Variants in NSG2 observed in about 807,000 individuals in gnomAD.
NSG2 encodes neuronal vesicle trafficking-associated protein 2.
A neutral mutation model predicts 16.9 loss-of-function variants in NSG2; 4 were observed. The ratio of observed to expected loss-of-function variants is 0.24; its 90% CI spans 0.12 to 0.54. NSG2 has a LOEUF of 0.54. Among genes scored for constraint, NSG2 ranks in the 20% least tolerant of loss-of-function variants. The pLI is 0.95. For missense variants in NSG2, 179 were observed against 221.1 expected (o/e 0.81, Z 1.21); for synonymous variants, 98 against 88.7 (o/e 1.11, Z -0.59).
At chr5:174,071,552 C>T (rs543145510) in intron 3 of NSG2, among the ~76,000 whole-genome samples, 2 of 152,310 alleles carry the variant, frequency 1.3e-5, no homozygotes, top group East Asian at 3.9e-4. Flanking sequence ...ACAAGTAAAA[C>T]AAAAATAAAA....
intron 2 of NSG2, among the ~76,000 whole-genome samples, chr5:174,059,506 A>C (rs1760017105): frequency 6.6e-6 from 1 of 152,234 alleles, no homozygotes; most frequent in African/African-American, 2.4e-5. Flanking sequence ...ACCTTACTAA[A>C]TTCTAATCAC....
intron 2 of NSG2, among the ~76,000 whole-genome samples, chr5:174,058,457 A>G (rs1006101730): frequency 6.6e-6 from 1 of 152,184 alleles, no homozygotes. Flanking sequence ...AAACAAAAAA[A>G]CCAATGAACT....
intron 3 of NSG2, among the ~76,000 whole-genome samples, chr5:174,097,026 A>G (rs1400353071): frequency 6.6e-6 from 1 of 152,072 alleles, no homozygotes; most frequent in East Asian, 1.9e-4. Flanking sequence ...TAATAATTCT[A>G]CTTCGTATGA....
rs151110965 is a variant in NSG2 at position 174,072,984 on chromosome 5, A to AAATG, written c.213+8690_213+8693dup. ...GGGTAACAGAGTGAGATCCTGTCTC[A>AAATG]AATGAATGAATGAATGAATGAATGC... On this transcript the variant is annotated intron_variant, in intron 3 of 4. Transcript: ENST00000303177. The surrounding 1 kb of genome is among the most constrained non-coding windows in gnomAD (Gnocchi z 4.0). Among the ~76,000 whole-genome samples the AAATG allele has an allele frequency of 2.5e-3, 354 of 142,854 alleles. 1 individual carries two copies. Among genetic ancestry groups the AAATG allele is most frequent in the African/African-American group, 8.6e-3 (330 of 38,530 alleles). The allele number at this position is 142,854 out of a possible 152,430, so 93.7% of individuals were successfully genotyped here. A position where few individuals can be genotyped will look rare whatever the true frequency, so the allele number is the denominator to read the frequency against.
At chr5:174,068,910 G>C (rs994554830) in intron 3 of NSG2, among the ~76,000 whole-genome samples, 1 of 151,740 alleles carries the variant, frequency 6.6e-6, no homozygotes, top group Non-Finnish European at 1.5e-5. Flanking sequence ...GAAGGTGCTG[G>C]TGCTGTGGAA....
intron 3 of NSG2, among the ~76,000 whole-genome samples, chr5:174,089,330 C>T (rs1006928573): frequency 6.6e-6 from 1 of 152,194 alleles, no homozygotes; most frequent in South Asian, 2.1e-4. Context: ...AAAGAGGGAT[C>T]TCATCCTGCA....
chr5:174,106,934 C>T (rs1464518879), intron 4 of NSG2, among the ~76,000 whole-genome samples: 2 of 152,082 alleles, frequency 1.3e-5, no homozygotes, highest in East Asian at 1.9e-4. Flanking sequence ...GTATAAAATA[C>T]AGGAAATAAA....
chr5:174,074,873 T>C lies in NSG2; in HGVS notation c.213+10558T>C, dbSNP rs1158542911. Among the ~76,000 whole-genome samples the C allele has an allele frequency of 2.0e-5, 3 of 151,926 alleles. No homozygotes were observed. In the East Asian group the frequency reaches 5.8e-4, roughly 30 times the overall value. On this transcript the variant is annotated intron_variant, in intron 3 of 4. Coordinates refer to ENST00000303177, the MANE Select transcript of NSG2 (RefSeq NM_015980.5). ...CTGGAACTGGTCCTTGACTCCCCAC[T>C]TTCATACCTGGAAGTCCTAGGTTCC...
At chr5:174,094,639 C>T (rs1182371526) in intron 3 of NSG2, among the ~76,000 whole-genome samples, 1 of 152,170 alleles carries the variant, frequency 6.6e-6, no homozygotes, top group Non-Finnish European at 1.5e-5. Flanking sequence ...AGCTTCTCAT[C>T]TTTGAGGGGC....
chr5:174,103,994 A>G (rs1347879300), intron 3 of NSG2, among the ~76,000 whole-genome samples: 2 of 152,076 alleles, frequency 1.3e-5, no homozygotes, highest in African/African-American at 2.4e-5. Flanking sequence ...CAAATAAACA[A>G]CAACAAAAAA....
At position 174,107,649 on chromosome 5, in the gene NSG2, A is replaced by G. The variant is rs748345235; in HGVS notation, c.*144A>G. 84 of 809,776 alleles carry G rather than the reference A, an allele frequency of 1.0e-4. 1 individual carries two copies. Among genetic ancestry groups the G allele is most frequent in the South Asian group, 4.1e-4 (28 of 68,964 alleles). 50.2% of individuals were successfully genotyped at this position (809,776 alleles called of 1,614,324 possible). A position where few individuals can be genotyped will look rare whatever the true frequency, so the allele number is the denominator to read the frequency against. On this transcript the variant is annotated 3_prime_UTR_variant, in exon 5 of 5. Coordinates refer to ENST00000303177, the MANE Select transcript of NSG2 (RefSeq NM_015980.5). This position sits in a 1 kb window ranked among gnomAD's most constrained non-coding sequence, Gnocchi z 4.5. ...GGCAGGGTGGGGGGAAGAACGCACC[A>G]AAAACGTGGTGTGTGCTGGAGTTGT...
chr5:174,093,247 T>C (rs772871519), intron 3 of NSG2, among the ~76,000 whole-genome samples: 2 of 152,158 alleles, frequency 1.3e-5, no homozygotes, highest in African/African-American at 4.8e-5. Flanking sequence ...TATGTAAGCA[T>C]TCCATGTATG....
chr5:174,088,217 T>A (rs922796306), intron 3 of NSG2, among the ~76,000 whole-genome samples: 3 of 152,212 alleles, frequency 2.0e-5, no homozygotes, highest in Admixed American at 6.5e-5. Flanking sequence ...AACATTCTAG[T>A]TCCTGTTTTA....
chr5:174,093,161 C>G (rs1026675766), intron 3 of NSG2, among the ~76,000 whole-genome samples: 2 of 152,178 alleles, frequency 1.3e-5, no homozygotes, highest in African/African-American at 2.4e-5. Flanking sequence ...CCATCTATCT[C>G]TGATACAACA....
intron 2 of NSG2, among the ~76,000 whole-genome samples, chr5:174,053,494 T>C (rs910917296): frequency 1.3e-5 from 2 of 152,176 alleles, no homozygotes; most frequent in South Asian, 4.1e-4. Context: ...GGCCTCTCCC[T>C]GGGCTTTCCG....
chr5:174,080,525 T>TTCTTTCTCTCTCTCTCTCTCTCTTTC (rs1554101503), intron 3 of NSG2, among the ~76,000 whole-genome samples: 6 of 125,248 alleles, frequency 4.8e-5, no homozygotes, highest in African/African-American at 1.9e-4. Flanking sequence ...CTTTCTTTCT[T>TTCTTTCTCTCTCTCTCTCTCTCTTTC]TCTCTCTCTC....
At chr5:174,058,170 T>C (rs1359174007) in intron 2 of NSG2, among the ~76,000 whole-genome samples, 1 of 151,956 alleles carries the variant, frequency 6.6e-6, no homozygotes, top group East Asian at 1.9e-4. Flanking sequence ...GAGAGTGAGG[T>C]GGCTGGGGCA....
chr5:174,076,672 TC>T (rs151052331), intron 3 of NSG2, among the ~76,000 whole-genome samples: 160 of 152,280 alleles, frequency 1.1e-3, no homozygotes, highest in African/African-American at 3.7e-3. Context: ...GGTGAGTTCA[TC>T]CCCAAGAGGC....
At chr5:174,096,812 AG>A (rs1760800605) in intron 3 of NSG2, among the ~76,000 whole-genome samples, 1 of 152,132 alleles carries the variant, frequency 6.6e-6, no homozygotes, top group South Asian at 2.1e-4. Context: ...AAGTGGAGGC[AG>A]GGGTCGCTGC....
Sources: gnomAD v4.1 joint callset for allele counts (sites outside exome capture counted in the v4.1 genomes callset) on GRCh38, gnomAD v4.1.1 for gene constraint, Gnocchi (gnomAD v3.1) non-coding constraint, MANE v1.5 for transcripts, NCBI Gene and HGNC (gene_info 2026-07-23, HGNC 2026-07-21) for gene names.